Variants in PALLD observed in about 807,000 individuals in gnomAD.
The protein encoded by PALLD is palladin.
In PALLD, 61 loss-of-function variants were observed where a neutral mutation model predicts 123.5. The ratio of observed to expected loss-of-function variants is 0.49; its 90% CI spans 0.40 to 0.61. The LOEUF (loss-of-function observed/expected upper bound fraction) is 0.61, where lower values mean the gene tolerates loss of function less well. Ranked by LOEUF, PALLD falls within the 20% of genes least tolerant of loss-of-function variation. The pLI is 0.00. For missense variants in PALLD, 1,273 were observed against 1,377.0 expected (o/e 0.92, Z 1.20); for synonymous variants, 465 against 496.4 (o/e 0.94, Z 0.84).
intron 10 of PALLD, among the ~76,000 whole-genome samples, chr4:168,762,325 G>C (rs144097655): frequency 0.011 from 1,607 of 152,072 alleles, 37 homozygotes; most frequent in African/African-American, 0.036. Flanking sequence ...ATACAAAAAT[G>C]AGCCAGGTAT....
chr4:168,573,546 C>T (rs1769213266), intron 2 of PALLD, among the ~76,000 whole-genome samples: 1 of 151,978 alleles, frequency 6.6e-6, no homozygotes, highest in Admixed American at 6.6e-5. Flanking sequence ...TCCCAAATAC[C>T]CTTCTGGTTT....
chr4:168,910,944 C>T (rs1012239672), intron 15 of PALLD, among the ~76,000 whole-genome samples: 1 of 152,134 alleles, frequency 6.6e-6, no homozygotes, highest in Non-Finnish European at 1.5e-5. Flanking sequence ...CTGGGGTCCG[C>T]CAAGCTGCTG....
chr4:168,856,039 G>A (rs187393420), intron 10 of PALLD, among the ~76,000 whole-genome samples: 3 of 152,258 alleles, frequency 2.0e-5, no homozygotes, highest in Non-Finnish European at 2.9e-5. Context: ...AGTGTCTGTC[G>A]TTCCCATCTT....
At chr4:168,737,052 G>A (rs1333188922) in intron 10 of PALLD, among the ~76,000 whole-genome samples, 10 of 152,308 alleles carry the variant, frequency 6.6e-5, no homozygotes, top group Middle Eastern at 3.4e-3. Flanking sequence ...ATTGGAATAT[G>A]CAAATTGCTG....
At chr4:168,689,573 C>T (rs1782423891) in intron 6 of PALLD, among the ~76,000 whole-genome samples, 1 of 148,764 alleles carries the variant, frequency 6.7e-6, no homozygotes, top group South Asian at 2.1e-4. Context: ...CCAGCCTCCT[C>T]GGTAGCTGGG....
intron 2 of PALLD, among the ~76,000 whole-genome samples, chr4:168,521,807 G>A (rs902033865): frequency 1.3e-5 from 2 of 152,118 alleles, no homozygotes; most frequent in East Asian, 1.9e-4. Flanking sequence ...TCTCAGAGTC[G>A]GAATCATCAC....
At chr4:168,745,424 G>A (rs899323705) in intron 10 of PALLD, among the ~76,000 whole-genome samples, 3 of 78,894 alleles carry the variant, frequency 3.8e-5, no homozygotes, top group African/African-American at 5.3e-5. Flanking sequence ...TCTGTGAGAT[G>A]GGAGGGGGGG....
intron 2 of PALLD, among the ~76,000 whole-genome samples, chr4:168,579,575 C>T (rs1484333838): frequency 6.6e-6 from 1 of 151,582 alleles, no homozygotes; most frequent in Non-Finnish European, 1.5e-5. Flanking sequence ...GGTCAATGTT[C>T]TTAAAATAAA....
At chr4:168,781,237 G>A (rs1220528790) in intron 10 of PALLD, among the ~76,000 whole-genome samples, 1 of 152,220 alleles carries the variant, frequency 6.6e-6, no homozygotes, top group African/African-American at 2.4e-5. Context: ...CTTTGGCTAT[G>A]TATACACCAG....
At chr4:168,829,848 T>C (rs6854037) in intron 10 of PALLD, among the ~76,000 whole-genome samples, 101,030 of 152,136 alleles carry the variant, frequency 0.66, 33,900 homozygotes, top group Non-Finnish European at 0.7. Context: ...GAATTGTTGG[T>C]CTATCACCCT....
At chr4:168,690,807 C>T in intron 7 of PALLD, 63 bp downstream of exon 7, 1 of 1,503,402 alleles carries the variant, frequency 6.7e-7, no homozygotes, top group Non-Finnish European at 9.3e-7. Flanking sequence ...TCAAGAAAAC[C>T]AAGAAGGGCT....
rs1762836656 is a variant in PALLD, at chr4:168,514,700, A to G, written c.908+2288A>G. The stretch of plus-strand genomic sequence containing the variant: ...TTAGACATTCATTCTCATGTCACTC[A>G]AAACAGTTCCACAGGTTTTCAAACT... On this transcript the variant is annotated intron_variant, in intron 2 of 21. Coordinates refer to ENST00000505667, the MANE Select transcript of PALLD (RefSeq NM_001166108.2). Among the ~76,000 whole-genome samples the G allele has an allele frequency of 2.0e-5, 3 of 152,202 alleles. 1 individual carries two copies. The South Asian group carries it at 6.2e-4, about 31-fold the overall frequency.
chr4:168,566,826 C>A (rs939454886), intron 2 of PALLD, among the ~76,000 whole-genome samples: 1 of 152,110 alleles, frequency 6.6e-6, no homozygotes, highest in African/African-American at 2.4e-5. Flanking sequence ...ACATTGGGCT[C>A]ATTTATTTGT....
chr4:168,863,413 G>C (rs776944463), intron 10 of PALLD, among the ~76,000 whole-genome samples: 2 of 152,206 alleles, frequency 1.3e-5, no homozygotes, highest in Non-Finnish European at 1.5e-5. Flanking sequence ...AAGATCCAAA[G>C]AGAGAAGAGC....
chr4:168,772,302 A>G (rs1734563314), intron 10 of PALLD, among the ~76,000 whole-genome samples: 1 of 152,188 alleles, frequency 6.6e-6, no homozygotes. Flanking sequence ...AAGTTATTCC[A>G]TACAAACGGC....
intron 10 of PALLD, among the ~76,000 whole-genome samples, chr4:168,712,906 A>C (rs1784975244): frequency 1.3e-5 from 2 of 152,170 alleles, no homozygotes. Flanking sequence ...CATTTGTTAG[A>C]AATGTTAGAA....
chr4:168,640,107 G>A (rs1433057253), intron 2 of PALLD, among the ~76,000 whole-genome samples: 2 of 152,160 alleles, frequency 1.3e-5, no homozygotes, highest in South Asian at 2.1e-4. Context: ...CTGTGCTTCC[G>A]TTGGTGCGGC....
At chr4:168,872,640 C>G (rs188166030) in intron 10 of PALLD, among the ~76,000 whole-genome samples, 3 of 152,298 alleles carry the variant, frequency 2.0e-5, no homozygotes, top group Admixed American at 2.0e-4. Flanking sequence ...CTCCCATAAG[C>G]CCAGTGCAAT....
At chr4:168,729,815 A>G (rs1299255366) in intron 10 of PALLD, among the ~76,000 whole-genome samples, 1 of 152,188 alleles carries the variant, frequency 6.6e-6, no homozygotes, top group East Asian at 1.9e-4. Flanking sequence ...TCTTTATTCT[A>G]GCCTCACACT....
Sources: allele counts gnomAD v4.1 joint callset (sites outside exome capture counted in the v4.1 genomes callset), GRCh38; gene constraint gnomAD v4.1.1; transcripts MANE v1.5; gene names NCBI Gene and HGNC (gene_info 2026-07-23, HGNC 2026-07-21).